The following SRD5A3 variants were observed in gnomAD, a reference collection of about 807,000 sequenced individuals.
SRD5A3 encodes polyprenal reductase.
SRD5A3 carries 24 observed loss-of-function variants against 34.3 expected under a neutral mutation model. That is an observed-to-expected ratio of 0.70 (90% CI 0.51 to 0.99). The LOEUF (loss-of-function observed/expected upper bound fraction) is 0.99, where lower values mean the gene tolerates loss of function less well. Among genes scored for constraint, SRD5A3 ranks in the 50% least tolerant of loss-of-function variants. SRD5A3 has a pLI of 0.00. For missense variants in SRD5A3, 350 were observed against 388.2 expected (o/e 0.90, Z 0.83); for synonymous variants, 161 against 167.3 (o/e 0.96, Z 0.29).
intron 1 of SRD5A3, among the ~76,000 whole-genome samples, chr4:55,347,630 A>G (rs1197968627): frequency 6.6e-6 from 1 of 152,098 alleles, no homozygotes; most frequent in East Asian, 1.9e-4. Context: ...CTTGTATTTA[A>G]AAAAAATTTT....
chr4:55,370,028 C>T lies in SRD5A3; in HGVS notation c.894C>T (p.Phe298=), dbSNP rs758956325. The T allele has an allele frequency of 6.2e-7, 1 of 1,614,042 alleles. No homozygotes were observed. Among genetic ancestry groups the T allele is most frequent in the Non-Finnish European group, 8.5e-7 (1 of 1,180,034 alleles). The change falls in exon 5 of 5, where the codon TTC becomes TTT. Residue 298 remains phenylalanine (F), a synonymous_variant. Coordinates refer to ENST00000264228, the MANE Select transcript of SRD5A3 (RefSeq NM_024592.5). ...TGTCTGCCTTTCTCAGCCACCAATT[C>T]TACAAAAGCAAATTTGTCTCTTACC... ...QALSAFLSHQ[F]YKSKFVSYPK...
Position 55,370,637 on chromosome 4 carries a change from G to A in SRD5A3, c.*546G>A, listed in dbSNP as rs573960. On this transcript the variant is annotated 3_prime_UTR_variant, in exon 5 of 5. Coordinates refer to ENST00000264228, the MANE Select transcript of SRD5A3 (RefSeq NM_024592.5). ...TCACACCTGTTAATCCCAGCACTTC[G>A]GGAGGCCAAGGTGGGCAGTTCGCTT... The A allele has an allele frequency of 0.28, 44,114 of 156,462 alleles. 6,531 individuals are homozygous for A. The highest frequency in any genetic ancestry group is 0.4 in the South Asian group (2,080 of 5,194). The allele number at this position is 156,462 out of a possible 1,614,324, so 9.7% of individuals were successfully genotyped here.
chr4:55,347,484 G>T (rs1033876253), intron 1 of SRD5A3, among the ~76,000 whole-genome samples: 1 of 152,152 alleles, frequency 6.6e-6, no homozygotes, highest in Non-Finnish European at 1.5e-5. Context: ...CAAAAAATTG[G>T]CAGGGCTTGG....
chr4:55,349,262 G>A (rs1413413207), intron 1 of SRD5A3, among the ~76,000 whole-genome samples: 1 of 152,026 alleles, frequency 6.6e-6, no homozygotes, highest in Admixed American at 6.6e-5. Flanking sequence ...TCTTGAACTC[G>A]TGACCTCAAG....
chr4:55,370,471 A>T lies in SRD5A3; in HGVS notation c.*380A>T, dbSNP rs1720085994. 1 of 275,458 alleles carries T rather than the reference A, an allele frequency of 3.6e-6. No individual in the cohort carries two copies. Among genetic ancestry groups the T allele is most frequent in the Non-Finnish European group, 6.8e-6 (1 of 147,144 alleles). The allele number at this position is 275,458 out of a possible 1,614,324, so 17.1% of individuals were successfully genotyped here. A position where few individuals can be genotyped will look rare whatever the true frequency, so the allele number is the denominator to read the frequency against. On this transcript the variant is annotated 3_prime_UTR_variant, in exon 5 of 5. Coordinates refer to ENST00000264228, the MANE Select transcript of SRD5A3 (RefSeq NM_024592.5). ...CACACACACACACACACACACACAC[A>T]CAAAGGAAGATCATCAATGGCTGCG...
chr4:55,350,534 T>C (rs571591973), intron 1 of SRD5A3, among the ~76,000 whole-genome samples: 18 of 152,322 alleles, frequency 1.2e-4, no homozygotes, highest in African/African-American at 4.3e-4. Context: ...TATAAATTTA[T>C]AGGTTACAAA....
At chr4:55,351,274 G>A (rs1029654454) in intron 1 of SRD5A3, among the ~76,000 whole-genome samples, 3 of 151,898 alleles carry the variant, frequency 2.0e-5, no homozygotes, top group Non-Finnish European at 4.4e-5. Context: ...GTTTCACCAT[G>A]TTGGCCAGGC....
intron 1 of SRD5A3, chr4:55,352,473 C>T (rs1361086225): frequency 4.6e-5 from 30 of 657,166 alleles, no homozygotes; most frequent in Non-Finnish European, 7.9e-5. Context: ...ACGAAACTGC[C>T]GAAGGGGTCC....
At chr4:55,361,892 C>A (rs547294160) in intron 2 of SRD5A3, among the ~76,000 whole-genome samples, 1 of 152,108 alleles carries the variant, frequency 6.6e-6, no homozygotes, top group Non-Finnish European at 1.5e-5. Flanking sequence ...TTCATCTCTT[C>A]GTTTGTTTAC....
intron 2 of SRD5A3, among the ~76,000 whole-genome samples, chr4:55,363,544 G>T (rs1200269433): frequency 6.6e-6 from 1 of 151,226 alleles, no homozygotes; most frequent in African/African-American, 2.4e-5. Context: ...CAGATTTTTT[G>T]GTGGGCAGGT....
chr4:55,355,254 C>T (rs966213735), intron 1 of SRD5A3, among the ~76,000 whole-genome samples: 6 of 152,124 alleles, frequency 3.9e-5, no homozygotes, highest in Non-Finnish European at 7.4e-5. Context: ...GTTAGGAGAT[C>T]GAGACCATCC....
intron 1 of SRD5A3, among the ~76,000 whole-genome samples, chr4:55,350,558 T>C (rs1418136777): frequency 1.3e-5 from 2 of 152,168 alleles, no homozygotes; most frequent in Non-Finnish European, 2.9e-5. Context: ...ATGTCATAAA[T>C]TGTGAATGCA....
chr4:55,364,436 C>T (rs765484553), intron 3 of SRD5A3, 165 bp downstream of exon 3: 61 of 798,234 alleles, frequency 7.6e-5, no homozygotes, highest in Admixed American at 1.5e-4. Flanking sequence ...AAAGGCCGGG[C>T]GTGGTCGCTT....
At chr4:55,356,949 C>T (rs1221706401) in intron 1 of SRD5A3, among the ~76,000 whole-genome samples, 1 of 152,212 alleles carries the variant, frequency 6.6e-6, no homozygotes, top group Non-Finnish European at 1.5e-5. Context: ...TCGCCCTTGG[C>T]CATGCCAATG....
Position 55,349,261 on chromosome 4 carries a change from C to T in SRD5A3, c.221+2704C>T, listed in dbSNP as rs138650626. Among the ~76,000 whole-genome samples, 1,015 of 152,180 alleles carry T rather than the reference C, an allele frequency of 6.7e-3. 5 individuals carry two copies. The highest frequency in any genetic ancestry group is 0.023 in the African/African-American group (974 of 41,502). On this transcript the variant is annotated intron_variant, in intron 1 of 4. Coordinates refer to ENST00000264228, the MANE Select transcript of SRD5A3 (RefSeq NM_024592.5). ...ATTTTGGCTAGGCTGGTCTTGAACT[C>T]GTGACCTCAAGTGATCCACCCACCT...
chr4:55,366,209 T>C (rs141852707), intron 3 of SRD5A3, among the ~76,000 whole-genome samples: 184 of 152,364 alleles, frequency 1.2e-3, no homozygotes, highest in African/African-American at 4.4e-3. Flanking sequence ...CCTTAACAAA[T>C]CCTTTTTCCT....
At chr4:55,361,327 C>A (rs934533320) in intron 2 of SRD5A3, among the ~76,000 whole-genome samples, 4 of 151,414 alleles carry the variant, frequency 2.6e-5, no homozygotes, top group South Asian at 2.1e-4. Context: ...ACTAAAAATA[C>A]AAAACTTAGC....
chr4:55,369,028 C>T (rs34101807), intron 4 of SRD5A3, among the ~76,000 whole-genome samples: 9,714 of 152,250 alleles, frequency 0.064, 343 homozygotes, highest in Non-Finnish European at 0.082. Flanking sequence ...CATAAGCTAC[C>T]GCGCCCAGCC....
At chr4:55,354,433 A>C (rs1252533289) in intron 1 of SRD5A3, among the ~76,000 whole-genome samples, 2 of 152,188 alleles carry the variant, frequency 1.3e-5, no homozygotes, top group African/African-American at 4.8e-5. Flanking sequence ...ATTGTGTTTT[A>C]GGCCCCAAAC....
Sources: allele counts gnomAD v4.1 joint callset (sites outside exome capture counted in the v4.1 genomes callset), GRCh38; gene constraint gnomAD v4.1.1; transcripts MANE v1.5; gene names NCBI Gene and HGNC (gene_info 2026-07-23, HGNC 2026-07-21).